The following GRM1 variants were observed in gnomAD, a reference collection of about 807,000 sequenced individuals.
GRM1 encodes the protein glutamate metabotropic receptor 1.
A neutral mutation model predicts 90.9 loss-of-function variants in GRM1; 33 were observed. That is an observed-to-expected ratio of 0.36 (90% CI 0.28 to 0.49). GRM1 has a LOEUF of 0.49. Ranked by LOEUF, GRM1 falls within the 20% of genes least tolerant of loss-of-function variation. The pLI, the probability that GRM1 is intolerant of heterozygous loss-of-function variation, is 0.99. For synonymous variants in GRM1, 700 were observed against 613.2 expected, an observed-to-expected ratio of 1.14 and a Z score of -2.09; for missense variants, 1,190 against 1,534.3, an observed-to-expected ratio of 0.78 and a Z score of 3.75.
chr6:146,381,662 A>T (rs1776323064), intron 5 of GRM1, among the ~76,000 whole-genome samples: 1 of 152,146 alleles, frequency 6.6e-6, no homozygotes, highest in South Asian at 2.1e-4. Context: ...AATCGGTAGA[A>T]TTCTCTATTC....
chr6:146,261,460 C>T (rs1460186643), intron 2 of GRM1, among the ~76,000 whole-genome samples: 4 of 152,000 alleles, frequency 2.6e-5, no homozygotes, highest in African/African-American at 9.7e-5. Context: ...TGTTGTGGTT[C>T]TCAATTTCCC....
At chr6:146,188,366 A>G (rs986158141) in intron 2 of GRM1, among the ~76,000 whole-genome samples, 1 of 152,082 alleles carries the variant, frequency 6.6e-6, no homozygotes, top group Non-Finnish European at 1.5e-5. Context: ...TTGTAGTAGC[A>G]CTCAGGATCC....
At chr6:146,170,145 T>TA (rs1031306841) in intron 2 of GRM1, among the ~76,000 whole-genome samples, 1 of 152,178 alleles carries the variant, frequency 6.6e-6, no homozygotes, top group Non-Finnish European at 1.5e-5. Flanking sequence ...TTCTGTATAT[T>TA]ACTGTGGTTT....
chr6:146,050,237 A>G (rs1791477488), intron 1 of GRM1, among the ~76,000 whole-genome samples: 1 of 151,966 alleles, frequency 6.6e-6, no homozygotes. Context: ...ACCAATTCAG[A>G]AAAGGATAAA....
chr6:146,109,270 C>T (rs951805535), intron 1 of GRM1, among the ~76,000 whole-genome samples: 5 of 152,158 alleles, frequency 3.3e-5, no homozygotes, highest in African/African-American at 1.2e-4. Flanking sequence ...GGGCAGGGCT[C>T]AGGGTCCCCA....
chr6:146,217,610 A>G (rs768684624), intron 2 of GRM1, among the ~76,000 whole-genome samples: 10 of 152,332 alleles, frequency 6.6e-5, no homozygotes, highest in Middle Eastern at 3.4e-3. Context: ...AGAGGAATGT[A>G]GGTGCCTACT....
At chr6:146,178,101 A>G (rs966721372) in intron 2 of GRM1, among the ~76,000 whole-genome samples, 6 of 152,176 alleles carry the variant, frequency 3.9e-5, no homozygotes, top group African/African-American at 1.4e-4. Flanking sequence ...CATAGTTTTT[A>G]CTTACTGTCC....
chr6:146,254,847 C>A lies in GRM1; in HGVS notation c.951-49764C>A, dbSNP rs139461422. Among the ~76,000 whole-genome samples the A allele has an allele frequency of 2.6e-3, 400 of 152,210 alleles. 4 individuals carry two copies. The highest frequency in any genetic ancestry group is 8.8e-3 in the African/African-American group (367 of 41,526). On this transcript the variant is annotated intron_variant, in intron 2 of 7. Coordinates refer to ENST00000282753, the MANE Select transcript of GRM1 (RefSeq NM_001278064.2). ...CATCTTCCCCCTTTATTTTGCCTCCCACTCTCCCATGAAATAAAATCACAG... is the reference window on the plus strand; with the variant it reads ...CATCTTCCCCCTTTATTTTGCCTCCAACTCTCCCATGAAATAAAATCACAG...
rs2114587682 is a variant in GRM1, at chr6:146,192,970, G to C, written c.950+33373G>C. On this transcript the variant is annotated intron_variant, in intron 2 of 7. Transcript: ENST00000282753. ...AATAGTTGTGGGTGAAAAGTGGCCAGATTAAGGATAGAGTTCATGGTAGAG... is the reference window on the plus strand; with the variant it reads ...AATAGTTGTGGGTGAAAAGTGGCCACATTAAGGATAGAGTTCATGGTAGAG... 2.0e-5 allele frequency among the ~76,000 whole-genome samples: 3 copies of C among 152,092 alleles called. No homozygotes were observed. In the South Asian group the frequency reaches 6.3e-4, roughly 32 times the overall value.
At chr6:146,196,600 C>T (rs182251277) in intron 2 of GRM1, among the ~76,000 whole-genome samples, 61 of 151,828 alleles carry the variant, frequency 4.0e-4, no homozygotes, top group African/African-American at 9.4e-4. Context: ...CCACCATGCC[C>T]GGCCGTTCAG....
At chr6:146,243,854 C>A (rs1195838667) in intron 2 of GRM1, among the ~76,000 whole-genome samples, 3 of 152,104 alleles carry the variant, frequency 2.0e-5, no homozygotes, top group African/African-American at 4.8e-5. Context: ...TTATCTACAT[C>A]CGTATAAGAC....
chr6:146,043,366 T>C (rs1250762579), intron 1 of GRM1, among the ~76,000 whole-genome samples: 2 of 151,988 alleles, frequency 1.3e-5, no homozygotes, highest in African/African-American at 4.8e-5. Flanking sequence ...TTGCCTTTTC[T>C]AAGTAACATG....
chr6:146,249,959 C>T (rs1781212877), intron 2 of GRM1, among the ~76,000 whole-genome samples: 1 of 152,156 alleles, frequency 6.6e-6, no homozygotes, highest in African/African-American at 2.4e-5. Context: ...TATTTTGGAG[C>T]TTTAAGATTT....
chr6:146,313,091 G>A (rs1783833105), intron 3 of GRM1, among the ~76,000 whole-genome samples: 1 of 152,128 alleles, frequency 6.6e-6, no homozygotes, highest in Non-Finnish European at 1.5e-5. Flanking sequence ...ATTTTTAGTA[G>A]CAGATACAGA....
At chr6:146,355,058 C>T (rs1025414415) in intron 4 of GRM1, among the ~76,000 whole-genome samples, 3 of 152,094 alleles carry the variant, frequency 2.0e-5, no homozygotes, top group African/African-American at 4.8e-5. Flanking sequence ...TCTTTGGAAA[C>T]TGATTTAAAG....
intron 7 of GRM1, among the ~76,000 whole-genome samples, chr6:146,407,380 T>G (rs747947037): frequency 2.0e-4 from 30 of 152,350 alleles, no homozygotes; most frequent in Non-Finnish European, 1.3e-4. Context: ...CTTTTAATAC[T>G]TTTAATACTT....
intron 2 of GRM1, among the ~76,000 whole-genome samples, chr6:146,189,715 A>G (rs1480775306): frequency 3.3e-5 from 5 of 152,324 alleles, no homozygotes; most frequent in African/African-American, 9.6e-5. Flanking sequence ...TTTAAGCTCC[A>G]TGAATCTACC....
chr6:146,319,573 C>G (rs925887048), intron 3 of GRM1, among the ~76,000 whole-genome samples: 1 of 152,112 alleles, frequency 6.6e-6, no homozygotes, highest in South Asian at 2.1e-4. Context: ...TGGCCATTTT[C>G]AAGATATTGA....
intron 4 of GRM1, 59 bp from the exon 5 acceptor site, chr6:146,357,467 T>G (rs1785630578): frequency 7.2e-7 from 1 of 1,391,688 alleles, no homozygotes; most frequent in African/African-American, 1.4e-5. Context: ...TTACCAACTT[T>G]CTTTGTTTTC....
Sources: allele counts gnomAD v4.1 joint callset (sites outside exome capture counted in the v4.1 genomes callset), GRCh38; gene constraint gnomAD v4.1.1; transcripts MANE v1.5; gene names NCBI Gene and HGNC (gene_info 2026-07-23, HGNC 2026-07-21).